The following TP53BP1 variants were observed in gnomAD, a reference collection of about 807,000 sequenced individuals.
TP53BP1 encodes tumor protein p53 binding protein 1.
A neutral mutation model predicts 200.8 loss-of-function variants in TP53BP1; 61 were observed. That is an observed-to-expected ratio of 0.30 (90% CI 0.25 to 0.38). The LOEUF (loss-of-function observed/expected upper bound fraction) is 0.38. TP53BP1 is among the 10% of genes least tolerant of loss of function. TP53BP1 has a pLI of 1.00. For synonymous variants in TP53BP1, 822 were observed against 844.3 expected, an observed-to-expected ratio of 0.97 and a Z score of 0.46; for missense variants, 2,144 against 2,371.9, an observed-to-expected ratio of 0.90 and a Z score of 2.00.
chr15:43,415,610 A>T lies in TP53BP1; in HGVS notation c.5073T>A (p.Ser1691=), dbSNP rs2230451. 292,252 of 1,614,028 alleles carry T rather than the reference A, an allele frequency of 0.18. 28,351 individuals are homozygous for T. The highest frequency in any genetic ancestry group is 0.26 in the Middle Eastern group (1,591 of 6,062). ...ERSPAKRGRK[S]ATVKPGAVGA... is the part of the protein sequence containing the mutation. ...AGCACTTACCAGGTTTTACTGTGGC[A>T]GACTTGCGACCTCGCTTGGCAGGGG... Residue 1691 remains serine, a synonymous_variant, in exon 23 of 28, where the codon TCT becomes TCA. Coordinates refer to ENST00000382044, the MANE Select transcript of TP53BP1 (RefSeq NM_001141980.3).
chr15:43,492,910 C>T lies in TP53BP1; in HGVS notation c.7+127G>A, dbSNP rs2079148379. 6 of 750,432 alleles carry T rather than the reference C, an allele frequency of 8.0e-6. No individual in the cohort carries two copies. The Middle Eastern group carries it at 7.7e-4, about 96-fold the overall frequency. The allele number at this position is 750,432 out of a possible 1,614,324, so 46.5% of individuals were successfully genotyped here. On this transcript the variant is annotated intron_variant, in intron 1 of 27. Transcript: ENST00000382044. ...ACGTTTCCCCACCCCCTCCTTAGGG[C>T]CCTCCAACCCCTTCCCCGTCACCGC...
At chr15:43,424,659 C>T (rs2142993741) in intron 18 of TP53BP1, among the ~76,000 whole-genome samples, 1 of 152,290 alleles carries the variant, frequency 6.6e-6, no homozygotes, top group East Asian at 1.9e-4. Context: ...TTAAAAAATG[C>T]TAATGGTCAT....
At position 43,447,391 on chromosome 15, in the gene TP53BP1, C is replaced by G. The variant is rs777007719; in HGVS notation, c.2811G>C (p.Glu937Asp). Reference protein sequence around the residue: ...TPPLIGHLKLEPKRHSTPIGI... With the variant: ...TPPLIGHLKLDPKRHSTPIGI... ...CAATAGGAGTACTGTGTCTCTTGGG[C>G]TCCAATTTTAGGTGCCCAATAAGAG... The change falls in exon 13 of 28, where the codon GAG becomes GAC. Residue 937 changes from glutamate (E) to aspartate (D), a missense_variant. Coordinates refer to ENST00000382044, the MANE Select transcript of TP53BP1 (RefSeq NM_001141980.3). 2.5e-6 allele frequency: 4 copies of G among 1,601,176 alleles called. No individual in the cohort carries two copies. The African/African-American group carries it at 4.1e-5, about 16-fold the overall frequency.
At position 43,455,908 on chromosome 15, in the gene TP53BP1, G is replaced by A. The variant is rs1245916514; in HGVS notation, c.2700C>T (p.Phe900=). 6.2e-7 allele frequency: 1 copy of A among 1,613,974 alleles called. No homozygotes were observed. The highest frequency in any genetic ancestry group is 8.5e-7 in the Non-Finnish European group (1 of 1,180,018). The part of the protein sequence containing the change: ...GKPSAHASQS[F]CESSSETPFH... ...CACACTCACCACTAGAACTTTCACAGAAGCTTTGTGAGGCATGGGCAGAGG... is the reference window on the plus strand; with the variant it reads ...CACACTCACCACTAGAACTTTCACAAAAGCTTTGTGAGGCATGGGCAGAGG... Residue 900 remains phenylalanine (F), a synonymous_variant, in exon 12 of 28, where the codon TTC becomes TTT. Transcript: ENST00000382044.
intron 2 of TP53BP1, 79 bp downstream of exon 2, chr15:43,492,205 T>G (rs2079134263): frequency 6.6e-7 from 1 of 1,513,970 alleles, no homozygotes; most frequent in East Asian, 2.3e-5. Context: ...GGTAATGATC[T>G]TCTAAATACT....
In TP53BP1 at chr15:43,403,690, A is replaced by G. The variant is rs2142896137; in HGVS notation, c.*3693T>C. 1 of 1,611,786 alleles carries G rather than the reference A, an allele frequency of 6.2e-7. No homozygotes were observed. On this transcript the variant is annotated 3_prime_UTR_variant, in exon 28 of 28. Transcript: ENST00000382044. The stretch of plus-strand genomic sequence containing the variant: ...ACTCTGTTTCCCGGGTAGGTGTTTC[A>G]CTGCCTGAATGAAATCCTAGATCTC...
chr15:43,428,061 A>T lies in TP53BP1; in HGVS notation c.3783T>A (p.Asp1261Glu), dbSNP rs759827279. 1 of 1,612,740 alleles carries T rather than the reference A, an allele frequency of 6.2e-7. No homozygotes were observed. The highest frequency in any genetic ancestry group is 1.1e-5 in the South Asian group (1 of 91,040). The part of the protein sequence containing the change: ...VRTLVTRVIT[D>E]VYYVDGTEVE... ...CTTCTGTTCCATCCACATAATACACATCTGTAATGACACGAGTGACAAGTG... is the reference window on the plus strand; with the variant it reads ...CTTCTGTTCCATCCACATAATACACTTCTGTAATGACACGAGTGACAAGTG... The change falls in exon 18 of 28, where the codon GAT becomes GAA. Residue 1261 changes from aspartate to glutamate, a missense_variant. By Grantham distance (45) the Asp-to-Glu change is conservative. This residue lies in a region of TP53BP1 where 1,700 missense variants were observed against 1,710.3 expected (regional missense o/e 0.99). Coordinates refer to ENST00000382044, the MANE Select transcript of TP53BP1 (RefSeq NM_001141980.3).
At chr15:43,507,608 T>C (rs1441198224) in intron 1 of TP53BP1, among the ~76,000 whole-genome samples, 1 of 152,234 alleles carries the variant, frequency 6.6e-6, no homozygotes, top group Non-Finnish European at 1.5e-5. Flanking sequence ...TTCATATATG[T>C]ATTTAATTTT....
intron 4 of TP53BP1, among the ~76,000 whole-genome samples, chr15:43,487,952 T>C (rs2079068926): frequency 6.6e-6 from 1 of 152,094 alleles, no homozygotes; most frequent in South Asian, 2.1e-4. Flanking sequence ...AAAAATGAAC[T>C]ATTGATACAT....
intron 11 of TP53BP1, among the ~76,000 whole-genome samples, 158 bp from the exon 12 acceptor site, chr15:43,457,376 C>T (rs370063481): frequency 6.6e-6 from 1 of 152,012 alleles, no homozygotes; most frequent in East Asian, 1.9e-4. Context: ...AATTAAAGAA[C>T]TCTAGTATAG....
chr15:43,479,841 A>AG lies in TP53BP1; in HGVS notation c.658+17dup, dbSNP rs1443312919. ...AGAAAACACAACAACTCCAAATGCC[A>AG]GAAAACATGTTTCATACCAGTATTA... On this transcript the variant is annotated intron_variant, in intron 6 of 27. Transcript: ENST00000382044. 1.9e-6 allele frequency: 3 copies of AG among 1,612,818 alleles called. No individual in the cohort carries two copies. The African/African-American group carries it at 4.0e-5, about 22-fold the overall frequency.
chr15:43,491,948 C>A, intron 3 of TP53BP1, 54 bp downstream of exon 3: 1 of 1,388,102 alleles, frequency 7.2e-7, no homozygotes, highest in East Asian at 2.3e-5. Flanking sequence ...CCACCCAGCA[C>A]CAACAAGAGC....
rs138274771 is a variant in TP53BP1, at chr15:43,406,750, G to A, written c.*633C>T. The A allele has an allele frequency of 2.2e-3, 828 of 384,780 alleles. 7 individuals are homozygous for A. The highest frequency in any genetic ancestry group is 0.017 in the African/African-American group (784 of 47,496). 23.8% of individuals were successfully genotyped at this position (384,780 alleles called of 1,614,324 possible). On this transcript the variant is annotated 3_prime_UTR_variant, in exon 28 of 28. Transcript: ENST00000382044. ...TTGACTAGAACGTGTAACATTTCCA[G>A]GTGTTCTCACTTGTGCTTCCCATGT...
rs549234339 is a variant in TP53BP1 at position 43,446,292 on chromosome 15, A to G, written c.3040+95T>C. On this transcript the variant is annotated intron_variant, in intron 14 of 27. Transcript: ENST00000382044. ...TGTAAGACTTTACAAATACATTTATAAATATAGAAGTATCAATTATTATAA... is the reference window on the plus strand; with the variant it reads ...TGTAAGACTTTACAAATACATTTATGAATATAGAAGTATCAATTATTATAA... 3.2e-6 allele frequency: 3 copies of G among 951,084 alleles called. No homozygotes were observed. In the African/African-American group the frequency reaches 5.0e-5, roughly 16 times the overall value. The allele number at this position is 951,084 out of a possible 1,614,324, so 58.9% of individuals were successfully genotyped here.
intron 21 of TP53BP1, among the ~76,000 whole-genome samples, chr15:43,418,429 G>A (rs2045318298): frequency 6.6e-6 from 1 of 151,252 alleles, no homozygotes. Flanking sequence ...TTGAACCCAG[G>A]AGGCAGAGGT....
chr15:43,434,702 T>C (rs1184881942), intron 16 of TP53BP1, among the ~76,000 whole-genome samples: 2 of 152,230 alleles, frequency 1.3e-5, no homozygotes, highest in Non-Finnish European at 2.9e-5. Flanking sequence ...TGCTTTGATC[T>C]AGAACTTCTC....
Position 43,469,925 on chromosome 15 carries a change from A to G in TP53BP1, c.1322T>C (p.Ile441Thr). ...AGGGAAGACTGGTGTGCTCTGAGAT[A>G]TTGGTGTTGAGGCTTGTGGTGATAC... is the stretch of plus-strand genomic sequence containing the variant. ...STVSPQASTP[I>T]SQSTPVFPPG... Residue 441 changes from isoleucine to threonine, a missense_variant, in exon 11 of 28, where the codon ATA becomes ACA. Physicochemically the swap from Ile to Thr is moderately conservative, Grantham distance 89. This residue lies in a region of TP53BP1 where 1,700 missense variants were observed against 1,710.3 expected (regional missense o/e 0.99). Coordinates refer to ENST00000382044, the MANE Select transcript of TP53BP1 (RefSeq NM_001141980.3). The G allele has an allele frequency of 6.2e-7, 1 of 1,614,070 alleles. No homozygotes were observed.
At chr15:43,502,390 T>C (rs2079213724) in intron 1 of TP53BP1, among the ~76,000 whole-genome samples, 1 of 152,154 alleles carries the variant, frequency 6.6e-6, no homozygotes, top group Non-Finnish European at 1.5e-5. Context: ...TAACAACATA[T>C]TAGTTTCAGG....
At chr15:43,500,653 C>CTTTG (rs1281197427) in intron 1 of TP53BP1, among the ~76,000 whole-genome samples, 15 of 152,028 alleles carry the variant, frequency 9.9e-5, no homozygotes, top group Admixed American at 2.0e-4. Flanking sequence ...AACCCCATCC[C>CTTTG]TATTAAAAAA....
Sources: gnomAD v4.1 joint callset for allele counts (sites outside exome capture counted in the v4.1 genomes callset) on GRCh38, gnomAD v4.1.1 for gene constraint, gnomAD v4.1.1 regional missense constraint, MANE v1.5 for transcripts, NCBI Gene and HGNC (gene_info 2026-07-23, HGNC 2026-07-21) for gene names.